The following OSBPL3 variants were observed in gnomAD, a reference collection of about 807,000 sequenced individuals.
The protein encoded by OSBPL3 is oxysterol binding protein like 3, also known as oxysterol-binding protein-related protein 3.
OSBPL3 carries 65 observed loss-of-function variants against 120.1 expected under a neutral mutation model. The ratio of observed to expected loss-of-function variants is 0.54; its 90% CI spans 0.44 to 0.67. The LOEUF (loss-of-function observed/expected upper bound fraction) is 0.67. OSBPL3 is among the 30% of genes least tolerant of loss of function. The pLI is 0.00. For missense variants in OSBPL3, 1,004 were observed against 1,082.1 expected (o/e 0.93, Z 1.01); for synonymous variants, 416 against 402.6 (o/e 1.03, Z -0.40).
In OSBPL3 at chr7:24,938,793, G is replaced by C. The variant is rs866830565; in HGVS notation, c.-150+41093C>G. ...GTTTTGTTTTGATGTGTGTGTGTGT[G>C]TGTGTGTGTGTGTGTGTGTGTGTGT... On this transcript the variant is annotated intron_variant, in intron 1 of 22. Transcript: ENST00000313367. The surrounding 1 kb of genome is among the most constrained non-coding windows in gnomAD (Gnocchi z 5.8). Among the ~76,000 whole-genome samples, 4,987 of 146,938 alleles carry C rather than the reference G, an allele frequency of 0.034. 156 individuals carry two copies. The highest frequency in any genetic ancestry group is 0.046 in the African/African-American group (1,806 of 39,546).
In OSBPL3 at chr7:24,912,170, T is replaced by C. The variant is rs952720656; in HGVS notation, c.-149-19549A>G. ...AAATTTTATCTCCGAAGTAAGAAAA[T>C]ATTCTCAAGTATCCATTTATCAAAC... On this transcript the variant is annotated intron_variant, in intron 1 of 22. Coordinates refer to ENST00000313367, the MANE Select transcript of OSBPL3 (RefSeq NM_015550.4). This position sits in a 1 kb window ranked among gnomAD's most constrained non-coding sequence, Gnocchi z 4.5. 1.3e-5 allele frequency among the ~76,000 whole-genome samples: 2 copies of C among 152,208 alleles called. No homozygotes were observed. Among genetic ancestry groups the C allele is most frequent in the African/African-American group, 4.8e-5 (2 of 41,448 alleles).
chr7:24,943,128 C>A (rs191639540), intron 1 of OSBPL3, among the ~76,000 whole-genome samples: 1 of 152,322 alleles, frequency 6.6e-6, no homozygotes, highest in East Asian at 1.9e-4. Context: ...TGCTGTAGAT[C>A]ATTAAGTCCT....
chr7:24,898,801 C>T lies in OSBPL3; in HGVS notation c.-149-6180G>A, dbSNP rs1404409848. 2.0e-5 allele frequency among the ~76,000 whole-genome samples: 3 copies of T among 152,148 alleles called. No homozygotes were observed. The highest frequency in any genetic ancestry group is 2.9e-5 in the Non-Finnish European group (2 of 68,030). On this transcript the variant is annotated intron_variant, in intron 1 of 22. Transcript: ENST00000313367. The surrounding 1 kb of genome is among the most constrained non-coding windows in gnomAD (Gnocchi z 4.3). ...TAATAACGAATTCTAGCCCAACCTC[C>T]GGCTTAAACAAAGCAAGAACTCCCT... is the stretch of plus-strand genomic sequence containing the variant.
In OSBPL3 at chr7:24,882,695, T is replaced by C. The variant is rs182217785; in HGVS notation, c.96+9682A>G. 1.1e-4 allele frequency among the ~76,000 whole-genome samples: 16 copies of C among 152,350 alleles called. No homozygotes were observed. In the East Asian group the frequency reaches 1.2e-3, roughly 11 times the overall value. ...GAGGCTGTACTAATTTACATTCCCA[T>C]TGACAGTGTGAAAGAGTTCCCTTTC... On this transcript the variant is annotated intron_variant, in intron 2 of 22. Transcript: ENST00000313367.
intron 2 of OSBPL3, among the ~76,000 whole-genome samples, chr7:24,882,260 C>T (rs1803803911): frequency 6.6e-6 from 1 of 151,322 alleles, no homozygotes; most frequent in South Asian, 2.1e-4. Flanking sequence ...CCTCCCCCAC[C>T]CTCACCTGCT....
rs572121813 is a variant in OSBPL3 at position 24,903,544 on chromosome 7, T to C, written c.-149-10923A>G. ...CTATCCTTCACCAGAAGAAATGCTATTGACTCAGATCTTGGTTTTCTACCT... is the reference window on the plus strand; with the variant it reads ...CTATCCTTCACCAGAAGAAATGCTACTGACTCAGATCTTGGTTTTCTACCT... On this transcript the variant is annotated intron_variant, in intron 1 of 22. Transcript: ENST00000313367. Among the ~76,000 whole-genome samples the C allele has an allele frequency of 2.6e-4, 39 of 152,362 alleles. No homozygotes were observed. In the South Asian group the frequency reaches 8.1e-3, roughly 32 times the overall value.
chr7:24,831,048 T>C lies in OSBPL3; in HGVS notation c.1747-143A>G, dbSNP rs1354604005. Reference sequence around the variant, plus strand: ...TTTGGTTGTTTTTAAACAACATAGGTTTAAAATTGTAGGTTTAAATAATGT... The same window carrying C: ...TTTGGTTGTTTTTAAACAACATAGGCTTAAAATTGTAGGTTTAAATAATGT... On this transcript the variant is annotated intron_variant, in intron 15 of 22. Transcript: ENST00000313367. The surrounding 1 kb of genome is among the most constrained non-coding windows in gnomAD (Gnocchi z 4.0). The C allele has an allele frequency of 1.4e-5, 11 of 768,190 alleles. No individual in the cohort carries two copies. The highest frequency in any genetic ancestry group is 2.1e-5 in the Non-Finnish European group (11 of 513,768). 47.6% of individuals were successfully genotyped at this position (768,190 alleles called of 1,614,324 possible).
At chr7:24,901,939 C>T (rs1178142524) in intron 1 of OSBPL3, among the ~76,000 whole-genome samples, 2 of 152,212 alleles carry the variant, frequency 1.3e-5, no homozygotes, top group Admixed American at 1.3e-4. Flanking sequence ...ATAACCAACC[C>T]ACTGTACGAT....
At chr7:24,924,978 G>C (rs574425852) in intron 1 of OSBPL3, among the ~76,000 whole-genome samples, 2 of 152,136 alleles carry the variant, frequency 1.3e-5, no homozygotes, top group African/African-American at 4.8e-5. Context: ...AAGAAGACAA[G>C]GGAGAAGGCA....
rs1287284809 is a variant in OSBPL3 at position 24,947,006 on chromosome 7, T to A, written c.-150+32880A>T. ...TTGTTCATTATTCTTGCCGCTTTCA[T>A]GTCTTTAAATTGTACAACAAAGAAA... On this transcript the variant is annotated intron_variant, in intron 1 of 22. Coordinates refer to ENST00000313367, the MANE Select transcript of OSBPL3 (RefSeq NM_015550.4). The surrounding 1 kb of genome is among the most constrained non-coding windows in gnomAD (Gnocchi z 4.4). 6.6e-6 allele frequency among the ~76,000 whole-genome samples: 1 copy of A among 152,234 alleles called. No individual in the cohort carries two copies. The highest frequency in any genetic ancestry group is 6.5e-5 in the Admixed American group (1 of 15,288).
chr7:24,952,986 A>G lies in OSBPL3; in HGVS notation c.-150+26900T>C, dbSNP rs1814620649. ...CACTGTCTCTACAAAAAAATCTAAAAATTAGCCAGGCATGGTGGTGCATGC... is the reference window on the plus strand; with the variant it reads ...CACTGTCTCTACAAAAAAATCTAAAGATTAGCCAGGCATGGTGGTGCATGC... On this transcript the variant is annotated intron_variant, in intron 1 of 22. Transcript: ENST00000313367. The surrounding 1 kb of genome is among the most constrained non-coding windows in gnomAD (Gnocchi z 4.4). 6.6e-6 allele frequency among the ~76,000 whole-genome samples: 1 copy of G among 152,150 alleles called. No individual in the cohort carries two copies. The highest frequency in any genetic ancestry group is 1.5e-5 in the Non-Finnish European group (1 of 67,986).
chr7:24,917,472 C>CACACACATATATATATATATAT (rs1809845304), intron 1 of OSBPL3, among the ~76,000 whole-genome samples: 3 of 94,952 alleles, frequency 3.2e-5, no homozygotes, highest in Non-Finnish European at 4.0e-5. Flanking sequence ...TATATATACA[C>CACACACATATATATATATATAT]ACACACACAC....
intron 2 of OSBPL3, among the ~76,000 whole-genome samples, chr7:24,885,136 C>T (rs1344060064): frequency 6.6e-6 from 1 of 151,260 alleles, no homozygotes; most frequent in Non-Finnish European, 1.5e-5. Context: ...GCAGGAGAAT[C>T]GCTTGAACCC....
intron 18 of OSBPL3, among the ~76,000 whole-genome samples, chr7:24,816,243 G>T (rs940291906): frequency 1.3e-5 from 2 of 152,080 alleles, no homozygotes; most frequent in Admixed American, 1.3e-4. Flanking sequence ...GCCCATACTG[G>T]TCTCAAACTC....
intron 1 of OSBPL3, among the ~76,000 whole-genome samples, chr7:24,949,005 A>T (rs549863724): frequency 2.6e-5 from 4 of 152,132 alleles, no homozygotes; most frequent in African/African-American, 9.7e-5. Context: ...ATGTCTCTAG[A>T]CTTCTACTTC....
intron 2 of OSBPL3, among the ~76,000 whole-genome samples, chr7:24,884,256 T>G (rs775322202): frequency 1.3e-5 from 2 of 152,228 alleles, no homozygotes; most frequent in Non-Finnish European, 2.9e-5. Flanking sequence ...AGAAGTCTTC[T>G]AGCATCTAAA....
chr7:24,817,248 G>A lies in OSBPL3; in HGVS notation c.1949-560C>T, dbSNP rs1228374688. On this transcript the variant is annotated intron_variant, in intron 17 of 22. Coordinates refer to ENST00000313367, the MANE Select transcript of OSBPL3 (RefSeq NM_015550.4). The surrounding 1 kb of genome is among the most constrained non-coding windows in gnomAD (Gnocchi z 4.0). Reference sequence around the variant, plus strand: ...GGTTGAGAACAAAACCAGGTGCAGTGGCTCATGCCTGTAATCCTAGCACTT... The same window carrying A: ...GGTTGAGAACAAAACCAGGTGCAGTAGCTCATGCCTGTAATCCTAGCACTT... Among the ~76,000 whole-genome samples, 2 of 152,222 alleles carry A rather than the reference G, an allele frequency of 1.3e-5. No homozygotes were observed. The highest frequency in any genetic ancestry group is 2.9e-5 in the Non-Finnish European group (2 of 68,044).
intron 10 of OSBPL3, among the ~76,000 whole-genome samples, chr7:24,856,507 T>C (rs771306374): frequency 6.6e-6 from 1 of 152,164 alleles, no homozygotes; most frequent in East Asian, 1.9e-4. Flanking sequence ...ATGAATGCCA[T>C]GGGTACCGCT....
chr7:24,809,800 C>T lies in OSBPL3; in HGVS notation c.2317+7G>A. On this transcript the variant is annotated splice_region_variant and intron_variant, in intron 20 of 22. Coordinates refer to ENST00000313367, the MANE Select transcript of OSBPL3 (RefSeq NM_015550.4). Reference sequence around the variant, plus strand: ...ACAGCCTGGGGTCCACAAACCCAGACACTCACTTGCTCTCCATACACAGGC... The same window carrying T: ...ACAGCCTGGGGTCCACAAACCCAGATACTCACTTGCTCTCCATACACAGGC... The T allele has an allele frequency of 6.2e-7, 1 of 1,614,018 alleles. No individual in the cohort carries two copies. Among genetic ancestry groups the T allele is most frequent in the South Asian group, 1.1e-5 (1 of 91,062 alleles).
Sources: gnomAD v4.1 joint callset for allele counts (sites outside exome capture counted in the v4.1 genomes callset) on GRCh38, gnomAD v4.1.1 for gene constraint, Gnocchi (gnomAD v3.1) non-coding constraint, MANE v1.5 for transcripts, NCBI Gene and HGNC (gene_info 2026-07-23, HGNC 2026-07-21) for gene names.